TBL1XR1: variants seen among roughly 807,000 people sequenced by gnomAD.
TBL1XR1 encodes TBL1X/Y related 1.
In TBL1XR1, 5 loss-of-function variants were observed where a neutral mutation model predicts 66.9. That is an observed-to-expected ratio of 0.07 (90% CI 0.04 to 0.16). The LOEUF is 0.16. Among genes scored for constraint, TBL1XR1 ranks in the 10% least tolerant of loss-of-function variants. The probability of loss-of-function intolerance (pLI) is 1.00; values close to 1 mark genes in which losing one functional copy is unlikely to be tolerated. For synonymous variants in TBL1XR1, 210 were observed against 206.0 expected (o/e 1.02, Z -0.17); for missense variants, 238 against 623.2 (o/e 0.38, Z 6.58).
At chr3:177,167,069 A>G (rs1027635781) in intron 1 of TBL1XR1, among the ~76,000 whole-genome samples, 1 of 152,254 alleles carries the variant, frequency 6.6e-6, no homozygotes, top group Non-Finnish European at 1.5e-5. Context: ...AGCTTTATCC[A>G]TAATTGCCAA....
At chr3:177,125,973 T>C (rs1023807049) in intron 1 of TBL1XR1, 1 of 152,204 alleles carries the variant, frequency 6.6e-6, no homozygotes, top group Non-Finnish European at 1.5e-5. Flanking sequence ...TATATATTTA[T>C]GAAGTACACA....
At chr3:177,120,197 T>C (rs1191982718) in intron 1 of TBL1XR1, among the ~76,000 whole-genome samples, 3 of 152,132 alleles carry the variant, frequency 2.0e-5, no homozygotes, top group African/African-American at 7.2e-5. Flanking sequence ...CCTTCTTTAA[T>C]TCGGCATTCC....
chr3:177,138,080 A>T (rs1262629829), intron 1 of TBL1XR1, among the ~76,000 whole-genome samples: 3 of 152,216 alleles, frequency 2.0e-5, no homozygotes, highest in Non-Finnish European at 4.4e-5. Context: ...TGACAAAAAA[A>T]CCCACGTTTA....
upstream of TBL1XR1, among the ~76,000 whole-genome samples, chr3:177,199,638 C>T (rs955455979): frequency 1.3e-5 from 2 of 151,944 alleles, no homozygotes; most frequent in African/African-American, 4.8e-5. Context: ...CCACCCCACC[C>T]CTTCTCCTTC....
intron 1 of TBL1XR1, among the ~76,000 whole-genome samples, chr3:177,160,162 C>A (rs1471701390): frequency 6.6e-6 from 1 of 152,030 alleles, no homozygotes; most frequent in African/African-American, 2.4e-5. Context: ...TGTTTAGCTG[C>A]TTTGCAAACC....
rs1300764515 is a variant in TBL1XR1, at chr3:177,098,507, C to T, written c.-87G>A. ...ATGTGGGGATGTGCAACTGAATATC[C>T]GGTCACCGCCAATCACAAGTTGCTG... On this transcript the variant is annotated 5_prime_UTR_variant, in exon 2 of 16. Transcript: ENST00000457928. 8.1e-6 allele frequency: 8 copies of T among 985,602 alleles called. No individual in the cohort carries two copies. The South Asian group carries it at 1.9e-4, about 23-fold the overall frequency. The allele number at this position is 985,602 out of a possible 1,614,324, so 61.1% of individuals were successfully genotyped here.
intron 1 of TBL1XR1, among the ~76,000 whole-genome samples, chr3:177,140,705 T>C (rs1228628609): frequency 6.6e-6 from 1 of 152,214 alleles, no homozygotes; most frequent in Non-Finnish European, 1.5e-5. Context: ...TCTCCTTTAA[T>C]AACAAGTTAA....
At chr3:177,129,225 G>A (rs1027659238) in intron 1 of TBL1XR1, among the ~76,000 whole-genome samples, 3 of 151,974 alleles carry the variant, frequency 2.0e-5, no homozygotes, top group Admixed American at 1.3e-4. Context: ...TCAAAAGCAG[G>A]ACTAGATGAA....
chr3:177,090,788 C>T (rs191733365), intron 2 of TBL1XR1, among the ~76,000 whole-genome samples: 45 of 151,860 alleles, frequency 3.0e-4, no homozygotes, highest in African/African-American at 5.8e-4. Context: ...TCCAGCTGGG[C>T]GACAGAGCGA....
chr3:177,134,988 T>G (rs1231702764), intron 1 of TBL1XR1, among the ~76,000 whole-genome samples: 1 of 151,334 alleles, frequency 6.6e-6, no homozygotes, highest in African/African-American at 2.4e-5. Flanking sequence ...TCTGTGTGTG[T>G]GTGTTTTGAG....
chr3:177,180,872 G>A (rs577157305), intron 1 of TBL1XR1, among the ~76,000 whole-genome samples: 2 of 152,038 alleles, frequency 1.3e-5, no homozygotes, highest in Admixed American at 1.3e-4. Flanking sequence ...GAGTAGCTAC[G>A]ATTACAGGCC....
At chr3:177,076,455 T>C (rs935134310) in intron 2 of TBL1XR1, among the ~76,000 whole-genome samples, 1 of 152,230 alleles carries the variant, frequency 6.6e-6, no homozygotes, top group Non-Finnish European at 1.5e-5. Context: ...CATTTTAACT[T>C]AAGTATCTCT....
chr3:177,022,222 C>G lies in TBL1XR1; in HGVS notation c.*3276G>C, dbSNP rs1193451449. On this transcript the variant is annotated 3_prime_UTR_variant, in exon 16 of 16. Transcript: ENST00000457928. ...AAAAGCAAAAAACCTTCATGTATTT[C>G]AATCTAGTGATTACTTTTTGCACCA... The G allele has an allele frequency of 6.6e-6, 1 of 152,548 alleles. No individual in the cohort carries two copies. Among genetic ancestry groups the G allele is most frequent in the East Asian group, 1.9e-4 (1 of 5,194 alleles). 9.4% of individuals were successfully genotyped at this position (152,548 alleles called of 1,614,324 possible).
intron 3 of TBL1XR1, among the ~76,000 whole-genome samples, chr3:177,062,788 A>G (rs1450612337): frequency 6.6e-6 from 1 of 152,144 alleles, no homozygotes; most frequent in Non-Finnish European, 1.5e-5. Flanking sequence ...ATTTCAACAT[A>G]AAACACCTTA....
chr3:177,051,034 C>T (rs1717006411), intron 5 of TBL1XR1, among the ~76,000 whole-genome samples: 1 of 151,860 alleles, frequency 6.6e-6, no homozygotes, highest in South Asian at 2.1e-4. Flanking sequence ...ACTAGTATTA[C>T]AAATTTTATT....
chr3:177,041,164 A>G (rs905933604), intron 10 of TBL1XR1: 10 of 152,264 alleles, frequency 6.6e-5, no homozygotes, highest in Admixed American at 2.0e-4. Context: ...CTTCCTGCCC[A>G]TAAGCCTTTT....
At chr3:177,118,212 CA>C (rs1391683217) in intron 1 of TBL1XR1, among the ~76,000 whole-genome samples, 3 of 152,180 alleles carry the variant, frequency 2.0e-5, no homozygotes, top group Non-Finnish European at 4.4e-5. Flanking sequence ...TCTGTTATTT[CA>C]AAATCACTCG....
chr3:177,053,853 C>T lies in TBL1XR1; in HGVS notation c.124G>A (p.Ala42Thr), dbSNP rs1278153331. ...SHISQSNING[A>T]LVPPAALISI... ...ATCAATGCAGCGGGTGGGACGAGGGCACCATTTATATTGGACTGACTGATA... is the reference window on the plus strand; with the variant it reads ...ATCAATGCAGCGGGTGGGACGAGGGTACCATTTATATTGGACTGACTGATA... The change falls in exon 4 of 16, where the codon GCC becomes ACC. Residue 42 changes from alanine (A) to threonine (T), a missense_variant. This residue lies in a region of TBL1XR1 where 9 missense variants were observed against 87.4 expected (regional missense o/e 0.10). Coordinates refer to ENST00000457928, the MANE Select transcript of TBL1XR1 (RefSeq NM_024665.7). 2.5e-6 allele frequency: 4 copies of T among 1,613,738 alleles called. No homozygotes were observed. Among genetic ancestry groups the T allele is most frequent in the Non-Finnish European group, 3.4e-6 (4 of 1,179,742 alleles).
intron 1 of TBL1XR1, among the ~76,000 whole-genome samples, chr3:177,108,930 G>A (rs1042184853): frequency 6.6e-6 from 1 of 152,130 alleles, no homozygotes; most frequent in Admixed American, 6.6e-5. Flanking sequence ...GCGATGAGAA[G>A]AAATGTTATG....
Sources: gnomAD v4.1 joint callset for allele counts (sites outside exome capture counted in the v4.1 genomes callset) on GRCh38, gnomAD v4.1.1 for gene constraint, gnomAD v4.1.1 regional missense constraint, MANE v1.5 for transcripts, NCBI Gene and HGNC (gene_info 2026-07-23, HGNC 2026-07-21) for gene names.